GALNT13: variants seen among roughly 807,000 people sequenced by gnomAD.
The protein encoded by GALNT13 is UDP-GalNAc:polypeptide N-acetylgalactosaminyltransferase 13.
In GALNT13, 28 loss-of-function variants were observed where a neutral mutation model predicts 64.2. That is an observed-to-expected ratio of 0.44 (90% CI 0.32 to 0.60). The LOEUF is 0.60. Ranked by LOEUF, GALNT13 falls within the 20% of genes least tolerant of loss-of-function variation. The pLI is 0.05. For synonymous variants in GALNT13, 214 were observed against 224.6 expected, an observed-to-expected ratio of 0.95 and a Z score of 0.42; for missense variants, 577 against 669.8, an observed-to-expected ratio of 0.86 and a Z score of 1.53.
chr2:153,560,407 C>T, the GALNT13 span, among the ~76,000 whole-genome samples: 1 of 151,692 alleles, frequency 6.6e-6, no homozygotes, highest in African/African-American at 2.4e-5. Flanking sequence ...AACGTGTTTT[C>T]CTCTCCCAGG....
chr2:153,825,240 C>A, the GALNT13 span, among the ~76,000 whole-genome samples: 25 of 152,188 alleles, frequency 1.6e-4, no homozygotes, highest in South Asian at 5.2e-3. Context: ...CACAGGACAT[C>A]CCTAATAATA....
the GALNT13 span, among the ~76,000 whole-genome samples, chr2:153,175,614 G>A: frequency 6.6e-6 from 1 of 152,130 alleles, no homozygotes; most frequent in East Asian, 1.9e-4. Flanking sequence ...TCTCTAAGCA[G>A]TGTTATTTTT....
At chr2:153,869,212 G>C (rs1213818492), upstream of GALNT13, among the ~76,000 whole-genome samples, 1 of 151,856 alleles carries the variant, frequency 6.6e-6, no homozygotes, top group Non-Finnish European at 1.5e-5. Context: ...ATTAAATTAG[G>C]ACACTTAATA....
the GALNT13 span, among the ~76,000 whole-genome samples, chr2:153,773,853 C>G: frequency 6.6e-6 from 1 of 152,092 alleles, no homozygotes; most frequent in Non-Finnish European, 1.5e-5. Flanking sequence ...TTAACTTTAA[C>G]TTTTATCTTA....
At chr2:153,236,796 A>G in the GALNT13 span, among the ~76,000 whole-genome samples, 1 of 152,128 alleles carries the variant, frequency 6.6e-6, no homozygotes. Context: ...CAGCCCATAA[A>G]TCAAGGAGTA....
intron 3 of GALNT13, among the ~76,000 whole-genome samples, chr2:153,969,118 G>C (rs1301664458): frequency 6.6e-6 from 1 of 151,940 alleles, no homozygotes; most frequent in Non-Finnish European, 1.5e-5. Flanking sequence ...TTAACGTGTA[G>C]AAAATCTTTA....
intron 3 of GALNT13, among the ~76,000 whole-genome samples, chr2:154,125,482 T>C (rs1463055685): frequency 6.6e-6 from 1 of 152,216 alleles, no homozygotes; most frequent in Non-Finnish European, 1.5e-5. Flanking sequence ...TGAATAGTTA[T>C]AATTAAATGT....
At chr2:154,181,990 T>C (rs866457115) in intron 4 of GALNT13, among the ~76,000 whole-genome samples, 1 of 152,114 alleles carries the variant, frequency 6.6e-6, no homozygotes, top group African/African-American at 2.4e-5. Context: ...CTAATAAGAT[T>C]AACAGTGATA....
At chr2:154,240,564 T>C (rs2105866715) in intron 4 of GALNT13, among the ~76,000 whole-genome samples, 1 of 152,298 alleles carries the variant, frequency 6.6e-6, no homozygotes, top group African/African-American at 2.4e-5. Context: ...GGCTTGCTTC[T>C]TCAGTGCCCC....
At chr2:153,739,530 AT>A in the GALNT13 span, among the ~76,000 whole-genome samples, 118 of 142,114 alleles carry the variant, frequency 8.3e-4, no homozygotes, top group Non-Finnish European at 1.3e-3. Context: ...TTTATTTATT[AT>A]TTTTTAATGT....
chr2:153,622,216 A>G, the GALNT13 span, among the ~76,000 whole-genome samples: 2 of 151,938 alleles, frequency 1.3e-5, no homozygotes, highest in African/African-American at 4.8e-5. Context: ...GTTCTCTCTA[A>G]CACACACACA....
At chr2:153,082,832 T>TGAATAAA in the GALNT13 span, among the ~76,000 whole-genome samples, 1 of 148,066 alleles carries the variant, frequency 6.8e-6, no homozygotes, top group Admixed American at 6.8e-5. Flanking sequence ...TTTTATTTAT[T>TGAATAAA]TATTTATTTA....
At chr2:153,608,481 T>A in the GALNT13 span, among the ~76,000 whole-genome samples, 1 of 151,936 alleles carries the variant, frequency 6.6e-6, no homozygotes, top group Non-Finnish European at 1.5e-5. Flanking sequence ...ATAGTTTAGT[T>A]AATAAAATTC....
the GALNT13 span, among the ~76,000 whole-genome samples, chr2:153,079,020 G>T: frequency 3.3e-5 from 5 of 152,034 alleles, no homozygotes; most frequent in Non-Finnish European, 7.4e-5. Context: ...TTCTTTTTAG[G>T]TGTAATTCTA....
chr2:153,883,486 C>A (rs1203816395), intron 1 of GALNT13, among the ~76,000 whole-genome samples: 1 of 152,020 alleles, frequency 6.6e-6, no homozygotes, highest in Non-Finnish European at 1.5e-5. Flanking sequence ...CATATGAAGA[C>A]AAACGTTATC....
At chr2:154,205,602 T>C (rs1687400506) in intron 4 of GALNT13, among the ~76,000 whole-genome samples, 1 of 152,196 alleles carries the variant, frequency 6.6e-6, no homozygotes, top group Admixed American at 6.5e-5. Context: ...AAGAGGTTTG[T>C]TGGACTTACA....
At chr2:153,807,460 A>T in the GALNT13 span, among the ~76,000 whole-genome samples, 1 of 151,860 alleles carries the variant, frequency 6.6e-6, no homozygotes, top group Non-Finnish European at 1.5e-5. Flanking sequence ...TGGCCACACA[A>T]TTATTTAACT....
chr2:154,325,655 C>A (rs996624831), intron 9 of GALNT13, among the ~76,000 whole-genome samples: 5 of 151,494 alleles, frequency 3.3e-5, no homozygotes, highest in Middle Eastern at 3.2e-3. Flanking sequence ...TGATGGGGTA[C>A]GTGTGATGCT....
At chr2:153,860,926 A>G in the GALNT13 span, among the ~76,000 whole-genome samples, 22 of 152,318 alleles carry the variant, frequency 1.4e-4, no homozygotes, top group African/African-American at 5.1e-4. Flanking sequence ...CATAGTACCA[A>G]TGTTTATTCT....
Sources: gnomAD v4.1 joint callset for allele counts (sites outside exome capture counted in the v4.1 genomes callset) on GRCh38, gnomAD v4.1.1 for gene constraint, MANE v1.5 for transcripts, NCBI Gene and HGNC (gene_info 2026-07-23, HGNC 2026-07-21) for gene names.